Variants in ABHD5 observed in about 807,000 individuals in gnomAD.
ABHD5 encodes the protein abhydrolase domain containing 5, lysophosphatidic acid acyltransferase.
In ABHD5, 30 loss-of-function variants were observed where a neutral mutation model predicts 44.9. The ratio of observed to expected loss-of-function variants is 0.67; its 90% CI spans 0.50 to 0.91. The LOEUF (loss-of-function observed/expected upper bound fraction) is 0.91, where lower values mean the gene tolerates loss of function less well. Ranked by LOEUF, ABHD5 falls within the 40% of genes least tolerant of loss-of-function variation. The pLI, the probability that ABHD5 is intolerant of heterozygous loss-of-function variation, is 0.00. For synonymous variants in ABHD5, 167 were observed against 147.0 expected (o/e 1.14, Z -0.99); for missense variants, 399 against 423.4 (o/e 0.94, Z 0.50).
chr3:43,703,664 T>C (rs1380856909), intron 3 of ABHD5, among the ~76,000 whole-genome samples: 1 of 152,174 alleles, frequency 6.6e-6, no homozygotes, highest in Non-Finnish European at 1.5e-5. Flanking sequence ...TGGACTGATT[T>C]TTAAATCCAA....
chr3:43,714,460 G>A (rs1182982696), intron 4 of ABHD5, among the ~76,000 whole-genome samples: 1 of 152,060 alleles, frequency 6.6e-6, no homozygotes, highest in Non-Finnish European at 1.5e-5. Context: ...GAGTGGGGCT[G>A]TGGGCGCCAC....
At chr3:43,697,258 A>G (rs552872935) in intron 1 of ABHD5, among the ~76,000 whole-genome samples, 109 of 152,256 alleles carry the variant, frequency 7.2e-4, no homozygotes, top group African/African-American at 2.6e-3. Flanking sequence ...TTTTTAATGC[A>G]AAGAATGCAT....
At chr3:43,714,863 C>G in intron 4 of ABHD5, 84 bp from the exon 5 acceptor site, 1 of 929,694 alleles carries the variant, frequency 1.1e-6, no homozygotes, top group Non-Finnish European at 1.7e-6. Context: ...ATTACACAGA[C>G]AAGCACTAAA....
chr3:43,727,406 C>G (rs1156758672), downstream of ABHD5, among the ~76,000 whole-genome samples: 1 of 152,178 alleles, frequency 6.6e-6, no homozygotes, highest in Non-Finnish European at 1.5e-5. Flanking sequence ...GAGAATAAGT[C>G]TTTTCCAGTG....
At chr3:43,698,015 C>T (rs1478957712) in intron 1 of ABHD5, among the ~76,000 whole-genome samples, 1 of 152,176 alleles carries the variant, frequency 6.6e-6, no homozygotes, top group South Asian at 2.1e-4. Flanking sequence ...GATTGAGTAC[C>T]TGTTATACGT....
At chr3:43,714,091 T>C (rs2084725609) in intron 4 of ABHD5, among the ~76,000 whole-genome samples, 2 of 152,170 alleles carry the variant, frequency 1.3e-5, no homozygotes, top group East Asian at 3.9e-4. Flanking sequence ...CTTGTGGGCC[T>C]TGCCCTGGGC....
chr3:43,723,849 A>C (rs1308315806), downstream of ABHD5, among the ~76,000 whole-genome samples: 1 of 152,246 alleles, frequency 6.6e-6, no homozygotes. Flanking sequence ...TGAAGCAATT[A>C]GAAAAGAGTT....
intron 7 of ABHD5, among the ~76,000 whole-genome samples, chr3:43,732,262 C>G (rs568036669): frequency 6.6e-6 from 1 of 152,002 alleles, no homozygotes; most frequent in Non-Finnish European, 1.5e-5. Context: ...GAAACCTTGT[C>G]TCTACTAAAA....
chr3:43,697,020 A>G (rs369341927), intron 1 of ABHD5, among the ~76,000 whole-genome samples: 17 of 152,206 alleles, frequency 1.1e-4, no homozygotes, highest in African/African-American at 3.4e-4. Flanking sequence ...ACATGAAAAC[A>G]TGTTTTGCCC....
At chr3:43,715,770 A>G (rs2084755141) in intron 5 of ABHD5, among the ~76,000 whole-genome samples, 2 of 152,200 alleles carry the variant, frequency 1.3e-5, no homozygotes, top group Non-Finnish European at 1.5e-5. Flanking sequence ...TCAAAAAAAG[A>G]AAAAAGGGTG....
At chr3:43,704,188 C>T (rs1421428626) in intron 3 of ABHD5, among the ~76,000 whole-genome samples, 4 of 151,902 alleles carry the variant, frequency 2.6e-5, no homozygotes, top group South Asian at 4.2e-4. Context: ...TACAGGAGCC[C>T]GCCACCACAC....
rs189602319 is a variant in ABHD5, at chr3:43,719,608, G to C, written c.*1076G>C. On this transcript the variant is annotated 3_prime_UTR_variant, in exon 7 of 7. Coordinates refer to ENST00000644371, the MANE Select transcript of ABHD5 (RefSeq NM_016006.6). ...GTGTTAATTAAATCATTACATACTT[G>C]AAGTTATATTACAAAAATTCTAGAA... is the stretch of plus-strand genomic sequence containing the variant. 2 of 152,102 alleles carry C rather than the reference G, an allele frequency of 1.3e-5. No homozygotes were observed. Among genetic ancestry groups the C allele is most frequent in the Admixed American group, 1.3e-4 (2 of 15,276 alleles). 9.4% of individuals were successfully genotyped at this position (152,102 alleles called of 1,614,324 possible). A position where few individuals can be genotyped will look rare whatever the true frequency, so the allele number is the denominator to read the frequency against.
chr3:43,698,768 A>AT (rs2084503270), intron 1 of ABHD5, among the ~76,000 whole-genome samples: 2 of 152,224 alleles, frequency 1.3e-5, no homozygotes, highest in Non-Finnish European at 1.5e-5. Context: ...TGTTAGGGGT[A>AT]TGTTACTACT....
intron 4 of ABHD5, among the ~76,000 whole-genome samples, chr3:43,712,184 C>T (rs990285134): frequency 6.6e-6 from 1 of 152,076 alleles, no homozygotes; most frequent in Non-Finnish European, 1.5e-5. Flanking sequence ...ATATAAGGAC[C>T]TCTGCTAGTC....
chr3:43,695,127 G>A (rs2149591550), intron 1 of ABHD5: 1 of 152,308 alleles, frequency 6.6e-6, no homozygotes, highest in South Asian at 2.1e-4. Context: ...CTGAGCTCAA[G>A]CAATCCTCCC....
At chr3:43,714,264 T>C (rs1369909860) in intron 4 of ABHD5, among the ~76,000 whole-genome samples, 3 of 151,776 alleles carry the variant, frequency 2.0e-5, no homozygotes, top group Admixed American at 2.0e-4. Context: ...CCTCCTGAGT[T>C]GCTGGGATTA....
intron 5 of ABHD5, 72 bp downstream of exon 5, chr3:43,715,130 T>TGTGTG: frequency 1.9e-6 from 2 of 1,053,636 alleles, no homozygotes; most frequent in South Asian, 1.3e-5. Flanking sequence ...TTTGTGTGTG[T>TGTGTG]TTTAGACTAT....
In ABHD5 at chr3:43,711,853, A is replaced by G. The variant is rs772397524; in HGVS notation, c.651A>G (p.Ala217=). The change falls in exon 4 of 7, where the codon GCA becomes GCG. Residue 217 remains alanine (A), a synonymous_variant. Coordinates refer to ENST00000644371, the MANE Select transcript of ABHD5 (RefSeq NM_016006.6). ...PFNPLAGLRI[A]GPFGLSLVQR... is the part of the protein sequence containing the mutation. ...ACCCTTTAGCTGGCCTAAGGATTGC[A>G]GGACCCTTTGGTGAGTGCTTATGTT... is the stretch of plus-strand genomic sequence containing the variant. The G allele has an allele frequency of 2.5e-6, 4 of 1,614,086 alleles. No homozygotes were observed. Among genetic ancestry groups the G allele is most frequent in the Admixed American group, 1.7e-5 (1 of 60,002 alleles).
chr3:43,698,819 C>T (rs781467017), intron 1 of ABHD5, among the ~76,000 whole-genome samples: 6 of 152,274 alleles, frequency 3.9e-5, no homozygotes, highest in South Asian at 2.1e-4. Context: ...AAAAAATGGT[C>T]GATCTCAGAT....
Sources: gnomAD v4.1 joint callset for allele counts (sites outside exome capture counted in the v4.1 genomes callset) on GRCh38, gnomAD v4.1.1 for gene constraint, MANE v1.5 for transcripts, NCBI Gene and HGNC (gene_info 2026-07-23, HGNC 2026-07-21) for gene names.